HSPBP1: variants seen among roughly 807,000 people sequenced by gnomAD.
HSPBP1 encodes hsp70-binding protein 1.
A neutral mutation model predicts 41.7 loss-of-function variants in HSPBP1; 31 were observed. That is an observed-to-expected ratio of 0.74 (90% CI 0.56 to 1.00). HSPBP1 has a LOEUF of 1.00. HSPBP1 is among the 50% of genes least tolerant of loss of function. The pLI is 0.00. For synonymous variants in HSPBP1, 199 were observed against 214.4 expected, an observed-to-expected ratio of 0.93 and a Z score of 0.63; for missense variants, 439 against 487.9, an observed-to-expected ratio of 0.90 and a Z score of 0.94.
Position 55,272,482 on chromosome 19 carries a change from A to G in HSPBP1, c.640+1916T>C, listed in dbSNP as rs982682847. Among the ~76,000 whole-genome samples the G allele has an allele frequency of 4.6e-5, 7 of 152,174 alleles. No homozygotes were observed. Among genetic ancestry groups the G allele is most frequent in the African/African-American group, 1.7e-4 (7 of 41,436 alleles). On this transcript the variant is annotated intron_variant, in intron 4 of 7. Transcript: ENST00000433386. This position sits in a 1 kb window ranked among gnomAD's most constrained non-coding sequence, Gnocchi z 4.2. ...ATTCATGTTGCAGGGGCTGCGGGAG[A>G]GGACGGACGCCGAGTGATTGCTTAA...
chr19:55,273,491 G>A (rs190248866), intron 4 of HSPBP1, among the ~76,000 whole-genome samples: 4 of 152,248 alleles, frequency 2.6e-5, no homozygotes, highest in Admixed American at 1.3e-4. Context: ...CCCCTGGCCC[G>A]ATCCCTCCCG....
Position 55,279,389 on chromosome 19 carries a change from C to T in HSPBP1, c.210+10G>A. On this transcript the variant is annotated intron_variant, in intron 2 of 7. Transcript: ENST00000433386. Reference sequence around the variant, plus strand: ...CCCTCACCCCAGCTTCTTGGGTCCCCATCCTTTACCTCCTCACTCATCGGT... The same window carrying T: ...CCCTCACCCCAGCTTCTTGGGTCCCTATCCTTTACCTCCTCACTCATCGGT... 6.3e-7 allele frequency: 1 copy of T among 1,580,308 alleles called. No homozygotes were observed. Among genetic ancestry groups the T allele is most frequent in the Non-Finnish European group, 8.5e-7 (1 of 1,171,118 alleles).
intron 3 of HSPBP1, among the ~76,000 whole-genome samples, chr19:55,275,829 G>A (rs1434681223): frequency 1.3e-5 from 2 of 151,530 alleles, no homozygotes; most frequent in African/African-American, 4.9e-5. Context: ...GCGCCTATAA[G>A]CCCAGCTACT....
intron 2 of HSPBP1, among the ~76,000 whole-genome samples, chr19:55,278,919 C>T (rs946859200): frequency 2.8e-5 from 4 of 141,880 alleles, no homozygotes; most frequent in Non-Finnish European, 6.2e-5. Flanking sequence ...AACCCTGCCC[C>T]CACCAAAAAA....
intron 4 of HSPBP1, among the ~76,000 whole-genome samples, chr19:55,271,176 C>T (rs1280690444): frequency 6.6e-6 from 1 of 151,844 alleles, no homozygotes; most frequent in Non-Finnish European, 1.5e-5. Context: ...ACCTGGTGAA[C>T]GATGTGACTG....
At chr19:55,278,175 G>C (rs1436344130) in intron 2 of HSPBP1, among the ~76,000 whole-genome samples, 1 of 152,188 alleles carries the variant, frequency 6.6e-6, no homozygotes, top group East Asian at 1.9e-4. Context: ...TTGAACCTGA[G>C]AGACAGAGGT....
chr19:55,262,376 G>GA lies in HSPBP1; in HGVS notation c.*231dup, dbSNP rs1401493107. ...AGGAGGAAGAGAAACACCTTTATTG[G>GA]AAGAGCTGTGTGGACAAGAGAACGG... On this transcript the variant is annotated 3_prime_UTR_variant, in exon 8 of 8. Transcript: ENST00000433386. The GA allele has an allele frequency of 6.6e-6, 9 of 1,356,836 alleles. No homozygotes were observed. In the African/African-American group the frequency reaches 1.0e-4, roughly 15 times the overall value. The allele number at this position is 1,356,836 out of a possible 1,614,324, so 84.0% of individuals were successfully genotyped here.
rs550151184 is a variant in HSPBP1, at chr19:55,270,505, C to A, written c.640+3893G>T. Among the ~76,000 whole-genome samples the A allele has an allele frequency of 1.3e-3, 201 of 152,254 alleles. No individual in the cohort carries two copies. Among genetic ancestry groups the A allele is most frequent in the African/African-American group, 4.7e-3 (195 of 41,552 alleles). ...CATGAAGACGCAAAGCCAGAAGCCG[C>A]CCTCCTCAGCAGGGGCCACTGCTGC... is the stretch of plus-strand genomic sequence containing the variant. On this transcript the variant is annotated intron_variant, in intron 4 of 7. Coordinates refer to ENST00000433386, the MANE Select transcript of HSPBP1 (RefSeq NM_012267.5). This position sits in a 1 kb window ranked among gnomAD's most constrained non-coding sequence, Gnocchi z 5.4.
intron 6 of HSPBP1, 30 bp from the exon 7 acceptor site, chr19:55,265,419 AC>A: frequency 6.4e-7 from 1 of 1,569,830 alleles, no homozygotes; most frequent in Non-Finnish European, 8.8e-7. Context: ...GGCCCTTAGG[AC>A]CTCCCTCTAG....
In HSPBP1 at chr19:55,266,118, AG is replaced by A; in HGVS notation, c.796+12del. ...TGCTCCCCACTCCTGCCCTCACTCA[AG>A]GGCTGCCACACCTTTGTGTTCAGGG... On this transcript the variant is annotated intron_variant, in intron 5 of 7. Coordinates refer to ENST00000433386, the MANE Select transcript of HSPBP1 (RefSeq NM_012267.5). 6.3e-7 allele frequency: 1 copy of A among 1,599,708 alleles called. No individual in the cohort carries two copies. The highest frequency in any genetic ancestry group is 8.5e-7 in the Non-Finnish European group (1 of 1,173,462).
chr19:55,267,178 C>T (rs2087809861), intron 4 of HSPBP1, among the ~76,000 whole-genome samples: 1 of 152,002 alleles, frequency 6.6e-6, no homozygotes, highest in South Asian at 2.1e-4. Context: ...GAGATGGACT[C>T]TCGTTCTGTT....
At position 55,270,538 on chromosome 19, in the gene HSPBP1, A is replaced by G. The variant is rs1027540408; in HGVS notation, c.640+3860T>C. On this transcript the variant is annotated intron_variant, in intron 4 of 7. Coordinates refer to ENST00000433386, the MANE Select transcript of HSPBP1 (RefSeq NM_012267.5). The surrounding 1 kb of genome is among the most constrained non-coding windows in gnomAD (Gnocchi z 5.4). ...AGCAGGGGCCACTGCTGCATTCCTC[A>G]CCCGCAGGAAGGGGAAAGATAAGCT... is the stretch of plus-strand genomic sequence containing the variant. Among the ~76,000 whole-genome samples, 1 of 152,048 alleles carries G rather than the reference A, an allele frequency of 6.6e-6. No individual in the cohort carries two copies. Among genetic ancestry groups the G allele is most frequent in the Non-Finnish European group, 1.5e-5 (1 of 68,008 alleles).
At chr19:55,265,503 C>T in intron 6 of HSPBP1, 114 bp from the exon 7 acceptor site, 1 of 808,164 alleles carries the variant, frequency 1.2e-6, no homozygotes, top group Non-Finnish European at 2.1e-6. Flanking sequence ...GTCGCTGCCC[C>T]ACAATGGGCC....
intron 2 of HSPBP1, among the ~76,000 whole-genome samples, chr19:55,278,268 A>G (rs529102916): frequency 6.6e-6 from 1 of 152,268 alleles, no homozygotes; most frequent in Non-Finnish European, 1.5e-5. Context: ...GATGAGAGCT[A>G]ATACGTGACT....
chr19:55,267,137 A>G (rs1369123079), intron 4 of HSPBP1, among the ~76,000 whole-genome samples: 1 of 151,566 alleles, frequency 6.6e-6, no homozygotes, highest in Admixed American at 6.6e-5. Flanking sequence ...TAATTTTTTT[A>G]TTTTATTTAT....
At chr19:55,265,148 CT>C (rs1451202601) in intron 7 of HSPBP1, 129 bp downstream of exon 7, 11 of 644,512 alleles carry the variant, frequency 1.7e-5, no homozygotes, top group Non-Finnish European at 3.0e-5. Context: ...CCTGGAGCCC[CT>C]GTCCCCTCCC....
At chr19:55,265,784 G>A (rs1321018299) in intron 6 of HSPBP1, 102 bp downstream of exon 6, 1 of 732,612 alleles carries the variant, frequency 1.4e-6, no homozygotes, top group Non-Finnish European at 2.2e-6. Flanking sequence ...CTACGGGAAG[G>A]TCCCAACTCC....
At chr19:55,274,347 A>ACCCCCCCCCCCCCCCCCCCCCCCCCCTGC in intron 4 of HSPBP1, 51 bp downstream of exon 4, 1 of 325,718 alleles carries the variant, frequency 3.1e-6, no homozygotes. Context: ...CCCACCCGGC[A>ACCCCCCCCCCCCCCCCCCCCCCCCCCTGC]CCCCCCCCCA....
rs1392322474 is a variant in HSPBP1 at position 55,268,156 on chromosome 19, C to T, written c.641-1870G>A. ...TCCATTAAACACAACGTTGGCTGGGCGCGGTGGCTCATGCCTGTAATCCCA... is the reference window on the plus strand; with the variant it reads ...TCCATTAAACACAACGTTGGCTGGGTGCGGTGGCTCATGCCTGTAATCCCA... On this transcript the variant is annotated intron_variant, in intron 4 of 7. Transcript: ENST00000433386. This position sits in a 1 kb window ranked among gnomAD's most constrained non-coding sequence, Gnocchi z 4.5. 2.6e-5 allele frequency among the ~76,000 whole-genome samples: 4 copies of T among 152,108 alleles called. No individual in the cohort carries two copies. Among genetic ancestry groups the T allele is most frequent in the Admixed American group, 1.3e-4 (2 of 15,274 alleles).
Sources: allele counts gnomAD v4.1 joint callset (sites outside exome capture counted in the v4.1 genomes callset), GRCh38; gene constraint gnomAD v4.1.1; non-coding constraint Gnocchi (gnomAD v3.1); transcripts MANE v1.5; gene names NCBI Gene and HGNC (gene_info 2026-07-23, HGNC 2026-07-21).